The following TACR3 variants were observed in gnomAD, a reference collection of about 807,000 sequenced individuals.
TACR3 encodes neuromedin-K receptor.
Under a neutral mutation model 35.0 loss-of-function variants are expected in TACR3, and 34 were observed. The ratio of observed to expected loss-of-function variants is 0.97; its 90% CI spans 0.74 to 1.30. TACR3 has a LOEUF of 1.30. Ranked by LOEUF, TACR3 falls within the 50% of genes most tolerant of loss-of-function variation. TACR3 has a pLI of 0.00. For synonymous variants in TACR3, 233 were observed against 221.1 expected (o/e 1.05, Z -0.48); for missense variants, 558 against 591.7 (o/e 0.94, Z 0.59).
chr4:103,637,161 T>C (rs1391970143), intron 3 of TACR3, among the ~76,000 whole-genome samples: 1 of 152,084 alleles, frequency 6.6e-6, no homozygotes, highest in Non-Finnish European at 1.5e-5. Flanking sequence ...ACCAATATCC[T>C]TGATGAACAT....
At chr4:103,694,870 T>A (rs1722487975) in intron 1 of TACR3, among the ~76,000 whole-genome samples, 1 of 152,166 alleles carries the variant, frequency 6.6e-6, no homozygotes, top group African/African-American at 2.4e-5. Flanking sequence ...GAAGACATAA[T>A]CCTAGATTTG....
chr4:103,627,263 C>T (rs1447114798), intron 3 of TACR3, among the ~76,000 whole-genome samples: 1 of 142,718 alleles, frequency 7.0e-6, no homozygotes, highest in East Asian at 2.1e-4. Context: ...TACCTGTAAT[C>T]CCAGCACTTT....
chr4:103,604,887 A>G (rs2110293458), intron 3 of TACR3, among the ~76,000 whole-genome samples: 1 of 151,034 alleles, frequency 6.6e-6, no homozygotes, highest in South Asian at 2.1e-4. Flanking sequence ...TGTGCAGGTT[A>G]GTTACATATG....
At chr4:103,633,367 C>T (rs1725109558) in intron 3 of TACR3, among the ~76,000 whole-genome samples, 1 of 151,628 alleles carries the variant, frequency 6.6e-6, no homozygotes. Flanking sequence ...TAACAGAGCC[C>T]CATGAGGTAG....
chr4:103,630,989 C>T (rs1215478090), intron 3 of TACR3, among the ~76,000 whole-genome samples: 1 of 152,082 alleles, frequency 6.6e-6, no homozygotes, highest in Non-Finnish European at 1.5e-5. Context: ...ACATGGAATA[C>T]AATGCAGCCA....
Position 103,719,351 on chromosome 4 carries a change from T to C in TACR3, c.325A>G (p.Ile109Val). ...CTCATGCGCTTGTGGGCCAGGATGA[T>C]CCAGATGACGATGAGATTTCCCAAA... ...AVLGNLIVIW[I>V]ILAHKRMRTV... The change falls in exon 1 of 5, where the codon ATC becomes GTC. Residue 109 changes from isoleucine to valine, a missense_variant. Coordinates refer to ENST00000304883, the MANE Select transcript of TACR3 (RefSeq NM_001059.3). 1.2e-6 allele frequency: 2 copies of C among 1,614,220 alleles called. No individual in the cohort carries two copies. Among genetic ancestry groups the C allele is most frequent in the Non-Finnish European group, 1.7e-6 (2 of 1,180,042 alleles).
At chr4:103,619,907 C>A (rs965183862) in intron 3 of TACR3, among the ~76,000 whole-genome samples, 1 of 151,960 alleles carries the variant, frequency 6.6e-6, no homozygotes, top group African/African-American at 2.4e-5. Context: ...TAAGTGGGAC[C>A]TAATTAAAAT....
At chr4:103,642,273 C>T (rs954896968) in intron 3 of TACR3, among the ~76,000 whole-genome samples, 4 of 150,584 alleles carry the variant, frequency 2.7e-5, no homozygotes, top group African/African-American at 9.8e-5. Context: ...CACATTGTAC[C>T]TCATAAGTGT....
intron 1 of TACR3, among the ~76,000 whole-genome samples, chr4:103,672,895 C>G (rs1726083824): frequency 6.6e-6 from 1 of 152,182 alleles, no homozygotes; most frequent in South Asian, 2.1e-4. Context: ...TTAACTAGGT[C>G]CTTTAGATAA....
intron 1 of TACR3, among the ~76,000 whole-genome samples, chr4:103,693,397 C>T (rs1044253470): frequency 6.6e-6 from 1 of 152,140 alleles, no homozygotes; most frequent in Non-Finnish European, 1.5e-5. Flanking sequence ...TTTCAGTGTA[C>T]TAATTGCCAA....
chr4:103,682,103 C>T (rs1176544099), intron 1 of TACR3, among the ~76,000 whole-genome samples: 1 of 152,090 alleles, frequency 6.6e-6, no homozygotes, highest in African/African-American at 2.4e-5. Context: ...CACTCTTATT[C>T]TGGTCTGTAA....
intron 3 of TACR3, among the ~76,000 whole-genome samples, chr4:103,627,248 G>A (rs538054612): frequency 6.3e-5 from 9 of 143,510 alleles, no homozygotes; most frequent in African/African-American, 1.8e-4. Context: ...TTCCTTGGTG[G>A]TTCATACCTG....
intron 1 of TACR3, among the ~76,000 whole-genome samples, chr4:103,673,474 A>C (rs541759485): frequency 6.6e-6 from 1 of 152,292 alleles, no homozygotes; most frequent in South Asian, 2.1e-4. Context: ...GAGCACATGG[A>C]GCAGTCAGAA....
chr4:103,670,876 A>G (rs914924845), intron 1 of TACR3, among the ~76,000 whole-genome samples: 2 of 152,042 alleles, frequency 1.3e-5, no homozygotes, highest in Admixed American at 1.3e-4. Flanking sequence ...GAAAATGGGC[A>G]TCCTTGTCTT....
At chr4:103,607,016 G>C (rs1051432487) in intron 3 of TACR3, among the ~76,000 whole-genome samples, 1 of 152,078 alleles carries the variant, frequency 6.6e-6, no homozygotes, top group African/African-American at 2.4e-5. Context: ...AATTTATTGA[G>C]AGTTTTTAGC....
intron 3 of TACR3, among the ~76,000 whole-genome samples, chr4:103,615,855 G>T (rs572768246): frequency 6.6e-6 from 1 of 152,156 alleles, no homozygotes; most frequent in South Asian, 2.1e-4. Flanking sequence ...TTGTATTTAA[G>T]ATTTCAATTT....
chr4:103,684,830 C>A (rs916842215), intron 1 of TACR3, among the ~76,000 whole-genome samples: 1 of 151,652 alleles, frequency 6.6e-6, no homozygotes, highest in Non-Finnish European at 1.5e-5. Context: ...TAGCAAAAAA[C>A]CTGTCTCTAT....
At chr4:103,648,192 T>C (rs1205338660) in intron 3 of TACR3, among the ~76,000 whole-genome samples, 1 of 152,024 alleles carries the variant, frequency 6.6e-6, no homozygotes, top group Non-Finnish European at 1.5e-5. Flanking sequence ...TGTGGGTACA[T>C]AGTAGAGGTA....
At chr4:103,669,034 T>G (rs1019443198) in intron 1 of TACR3, among the ~76,000 whole-genome samples, 1 of 152,158 alleles carries the variant, frequency 6.6e-6, no homozygotes, top group African/African-American at 2.4e-5. Context: ...ATATATTTTT[T>G]TTAGTTCCAA....
Sources: gnomAD v4.1 joint callset for allele counts (sites outside exome capture counted in the v4.1 genomes callset) on GRCh38, gnomAD v4.1.1 for gene constraint, MANE v1.5 for transcripts, NCBI Gene and HGNC (gene_info 2026-07-23, HGNC 2026-07-21) for gene names.